The following PALLD variants were observed in gnomAD, a reference collection of about 807,000 sequenced individuals.
PALLD encodes palladin, cytoskeletal associated protein.
PALLD carries 61 observed loss-of-function variants against 123.5 expected under a neutral mutation model. That is an observed-to-expected ratio of 0.49 (90% CI 0.40 to 0.61). The LOEUF (loss-of-function observed/expected upper bound fraction) is 0.61. Among genes scored for constraint, PALLD ranks in the 20% least tolerant of loss-of-function variants. The probability of loss-of-function intolerance (pLI) is 0.00; values close to 1 mark genes in which losing one functional copy is unlikely to be tolerated. For missense variants in PALLD, 1,273 were observed against 1,377.0 expected (o/e 0.92, Z 1.20); for synonymous variants, 465 against 496.4 (o/e 0.94, Z 0.84).
intron 10 of PALLD, among the ~76,000 whole-genome samples, chr4:168,854,337 G>A (rs1748261546): frequency 1.3e-5 from 2 of 152,230 alleles, no homozygotes; most frequent in Non-Finnish European, 2.9e-5. Flanking sequence ...TGGTAGGACG[G>A]TCTAGGTTTC....
intron 17 of PALLD, among the ~76,000 whole-genome samples, chr4:168,918,806 CTT>C (rs1760803734): frequency 6.6e-6 from 1 of 152,006 alleles, no homozygotes; most frequent in Admixed American, 6.6e-5. Context: ...TTAAAAAACA[CTT>C]AAAAAAATTC....
intron 12 of PALLD, 51 bp from the exon 13 acceptor site, chr4:168,896,498 T>G: frequency 2.9e-6 from 3 of 1,026,460 alleles, no homozygotes; most frequent in Non-Finnish European, 4.4e-6. Context: ...TCTTGCTGCA[T>G]TCTTATTATT....
At chr4:168,773,467 C>T (rs1249810618) in intron 10 of PALLD, among the ~76,000 whole-genome samples, 1 of 152,160 alleles carries the variant, frequency 6.6e-6, no homozygotes, top group East Asian at 1.9e-4. Flanking sequence ...TAAAAATAAC[C>T]CACTGAGTGT....
chr4:168,867,657 A>G (rs1405572737), intron 10 of PALLD, among the ~76,000 whole-genome samples: 1 of 152,172 alleles, frequency 6.6e-6, no homozygotes, highest in African/African-American at 2.4e-5. Flanking sequence ...AAGTTTATGA[A>G]CAATATATGA....
chr4:168,898,094 A>G (rs1755642779), intron 13 of PALLD: 1 of 246,002 alleles, frequency 4.1e-6, no homozygotes, highest in South Asian at 5.5e-5. Context: ...CTATGTGGAG[A>G]GATGTACCAC....
intron 2 of PALLD, among the ~76,000 whole-genome samples, chr4:168,558,062 A>T (rs1343801828): frequency 6.6e-6 from 1 of 152,096 alleles, no homozygotes. Flanking sequence ...TCTCCTCATT[A>T]CCAATGGCCA....
At chr4:168,607,793 GAAAATCCAC>G (rs1467692811) in intron 2 of PALLD, among the ~76,000 whole-genome samples, 1 of 152,016 alleles carries the variant, frequency 6.6e-6, no homozygotes, top group Non-Finnish European at 1.5e-5. Flanking sequence ...GCAAGGAAAA[GAAAATCCAC>G]CTGAGCTAGC....
At chr4:168,556,441 G>A in intron 2 of PALLD, among the ~76,000 whole-genome samples, 1 of 152,076 alleles carries the variant, frequency 6.6e-6, no homozygotes, top group East Asian at 1.9e-4. Flanking sequence ...AGAAGAAGAA[G>A]TGAAGAAAAA....
chr4:168,601,614 TA>T (rs369717575), intron 2 of PALLD, among the ~76,000 whole-genome samples: 3,485 of 151,926 alleles, frequency 0.023, 75 homozygotes, highest in African/African-American at 0.06. Context: ...TGATCTGTAT[TA>T]AAAAAAAGAA....
intron 2 of PALLD, among the ~76,000 whole-genome samples, chr4:168,651,060 A>T (rs1192868247): frequency 6.6e-6 from 1 of 152,190 alleles, no homozygotes; most frequent in African/African-American, 2.4e-5. Context: ...AACTTAGCTA[A>T]TTGTAATTCC....
chr4:168,633,707 C>A (rs1776058789), intron 2 of PALLD, among the ~76,000 whole-genome samples: 1 of 152,134 alleles, frequency 6.6e-6, no homozygotes, highest in South Asian at 2.1e-4. Context: ...TAGACACATC[C>A]CTCTTGTCTC....
intron 2 of PALLD, among the ~76,000 whole-genome samples, chr4:168,568,630 A>C (rs1768655412): frequency 6.6e-6 from 1 of 152,044 alleles, no homozygotes; most frequent in Non-Finnish European, 1.5e-5. Flanking sequence ...GCTCACACAC[A>C]CTTTAGTGAT....
chr4:168,890,338 G>A (rs1229461225), intron 10 of PALLD, among the ~76,000 whole-genome samples: 1 of 152,118 alleles, frequency 6.6e-6, no homozygotes, highest in Admixed American at 6.5e-5. Flanking sequence ...GTATAAAATA[G>A]ACCTCAAATA....
intron 10 of PALLD, among the ~76,000 whole-genome samples, chr4:168,788,772 CCTAAAA>C (rs1420348998): frequency 6.6e-6 from 1 of 151,740 alleles, no homozygotes; most frequent in East Asian, 1.9e-4. Flanking sequence ...TTGCTGTGAA[CCTAAAA>C]CTCTTCTTAA....
At chr4:168,645,349 A>G (rs1678148362) in intron 2 of PALLD, among the ~76,000 whole-genome samples, 1 of 151,962 alleles carries the variant, frequency 6.6e-6, no homozygotes, top group Non-Finnish European at 1.5e-5. Context: ...CCTCTTCTCA[A>G]CTCCCCACCT....
chr4:168,868,393 G>T (rs981576777), intron 10 of PALLD, among the ~76,000 whole-genome samples: 1 of 152,154 alleles, frequency 6.6e-6, no homozygotes, highest in African/African-American at 2.4e-5. Flanking sequence ...GCCACACTTG[G>T]AGTTTCAGGA....
chr4:168,568,985 T>C (rs1768692277), intron 2 of PALLD, among the ~76,000 whole-genome samples: 1 of 152,026 alleles, frequency 6.6e-6, no homozygotes, highest in African/African-American at 2.4e-5. Context: ...GAAAGACTAA[T>C]TTAAAAAAAA....
intron 2 of PALLD, among the ~76,000 whole-genome samples, chr4:168,540,663 T>C (rs2074056843): frequency 6.6e-6 from 1 of 152,228 alleles, no homozygotes; most frequent in African/African-American, 2.4e-5. Flanking sequence ...CTTACTTTGC[T>C]TTTTAATGAG....
intron 2 of PALLD, among the ~76,000 whole-genome samples, chr4:168,620,289 T>G (rs1774633182): frequency 6.6e-6 from 1 of 152,108 alleles, no homozygotes; most frequent in Non-Finnish European, 1.5e-5. Context: ...ACCCTGTCTC[T>G]ACTAAAAATA....
Sources: gnomAD v4.1 joint callset for allele counts (sites outside exome capture counted in the v4.1 genomes callset) on GRCh38, gnomAD v4.1.1 for gene constraint, MANE v1.5 for transcripts, NCBI Gene and HGNC (gene_info 2026-07-23, HGNC 2026-07-21) for gene names.